EIF5B: variants seen among roughly 807,000 people sequenced by gnomAD.
EIF5B encodes eukaryotic translation initiation factor 5B.
Under a neutral mutation model 147.5 loss-of-function variants are expected in EIF5B, and 47 were observed. The observed-to-expected ratio is 0.32, with a 90% confidence interval of 0.25 to 0.41. The LOEUF is 0.41. Among genes scored for constraint, EIF5B ranks in the 10% least tolerant of loss-of-function variants. The pLI, the probability that EIF5B is intolerant of heterozygous loss-of-function variation, is 1.00. For synonymous variants in EIF5B, 455 were observed against 456.2 expected (o/e 1.00, Z 0.03); for missense variants, 1,064 against 1,413.2 (o/e 0.75, Z 3.96).
chr2:99,389,651 G>C, intron 14 of EIF5B, 67 bp from the exon 15 acceptor site: 2 of 1,448,548 alleles, frequency 1.4e-6, no homozygotes, highest in Non-Finnish European at 1.9e-6. Flanking sequence ...ATTTTCTGGA[G>C]CTATTAATAC....
At chr2:99,359,368 CAAAA>C (rs1267875287) in intron 1 of EIF5B, among the ~76,000 whole-genome samples, 1 of 147,786 alleles carries the variant, frequency 6.8e-6, no homozygotes, top group African/African-American at 2.5e-5. Flanking sequence ...GAGTCCGTCT[CAAAA>C]AAAGGAAAAA....
intron 14 of EIF5B, among the ~76,000 whole-genome samples, chr2:99,385,533 C>T (rs139354561): frequency 3.9e-5 from 6 of 152,202 alleles, no homozygotes; most frequent in South Asian, 2.1e-4. Flanking sequence ...ATCAGGTGCT[C>T]GTTAGCATTT....
At chr2:99,376,002 A>C (rs1273536108) in intron 9 of EIF5B, among the ~76,000 whole-genome samples, 2 of 152,224 alleles carry the variant, frequency 1.3e-5, no homozygotes, top group African/African-American at 4.8e-5. Context: ...AATCTGAAAC[A>C]GTTCTGGTCC....
At position 99,389,765 on chromosome 2, in the gene EIF5B, T is replaced by C; in HGVS notation, c.2319T>C (p.Ala773=). The change falls in exon 15 of 24, where the codon GCT becomes GCC. Residue 773 remains alanine, a synonymous_variant. Coordinates refer to ENST00000289371, the MANE Select transcript of EIF5B (RefSeq NM_015904.4). Reference sequence around the variant, plus strand: ...AAAAGAGTCCTGACTCTGATGTGGCTGCTACTTTAAAGAAGCAGAAAAAGA... The same window carrying C: ...AAAAGAGTCCTGACTCTGATGTGGCCGCTACTTTAAAGAAGCAGAAAAAGA... ...DWKKSPDSDV[A]ATLKKQKKNT... is the part of the protein sequence containing the mutation. 1.9e-6 allele frequency: 3 copies of C among 1,613,356 alleles called. No homozygotes were observed. The highest frequency in any genetic ancestry group is 2.5e-6 in the Non-Finnish European group (3 of 1,179,822).
chr2:99,337,460 A>T lies in EIF5B; in HGVS notation c.-95A>T, dbSNP rs1398414572. 18 of 1,505,200 alleles carry T rather than the reference A, an allele frequency of 1.2e-5. No individual in the cohort carries two copies. Among genetic ancestry groups the T allele is most frequent in the Non-Finnish European group, 1.6e-5 (18 of 1,103,498 alleles). The allele number at this position is 1,505,200 out of a possible 1,614,324, so 93.2% of individuals were successfully genotyped here. A position where few individuals can be genotyped will look rare whatever the true frequency, so the allele number is the denominator to read the frequency against. On this transcript the variant is annotated 5_prime_UTR_variant, in exon 1 of 24. Transcript: ENST00000289371. ...GTGCGAGCGGCGGCAGCACGAGGGG[A>T]AAAGAGCTGAGCGGAGACCAAAGTC... is the stretch of plus-strand genomic sequence containing the variant.
At chr2:99,382,387 G>GT (rs375641008) in intron 13 of EIF5B, among the ~76,000 whole-genome samples, 161 bp downstream of exon 13, 29 of 152,200 alleles carry the variant, frequency 1.9e-4, no homozygotes, top group African/African-American at 6.7e-4. Flanking sequence ...TTGAATACTT[G>GT]TTTTTTATAG....
intron 9 of EIF5B, 129 bp downstream of exon 9, chr2:99,371,859 G>T: frequency 1.3e-6 from 1 of 767,004 alleles, no homozygotes; most frequent in Non-Finnish European, 1.9e-6. Context: ...TAAGTCTCTT[G>T]TTCTCTCCTT....
chr2:99,347,846 C>G (rs1250539255), intron 1 of EIF5B, among the ~76,000 whole-genome samples: 2 of 152,006 alleles, frequency 1.3e-5, no homozygotes, highest in African/African-American at 2.4e-5. Context: ...TAAACAAAAC[C>G]TTGGGTTGCT....
rs573027189 is a variant in EIF5B at position 99,347,967 on chromosome 2, G to A, written c.35+10378G>A. On this transcript the variant is annotated intron_variant, in intron 1 of 23. Coordinates refer to ENST00000289371, the MANE Select transcript of EIF5B (RefSeq NM_015904.4). ...ACAGAAGTTGCTAGAGAATTTTGAA[G>A]CTTCTGAAATCCCTGCAACTCTGTG... 2.0e-4 allele frequency among the ~76,000 whole-genome samples: 30 copies of A among 152,090 alleles called. No homozygotes were observed. In the South Asian group the frequency reaches 5.8e-3, roughly 30 times the overall value.
chr2:99,363,556 G>A, intron 4 of EIF5B, 89 bp from the exon 5 acceptor site: 3 of 1,342,256 alleles, frequency 2.2e-6, no homozygotes, highest in Non-Finnish European at 3.1e-6. Context: ...GGCCCATTAT[G>A]GTCCTTGAAT....
intron 1 of EIF5B, among the ~76,000 whole-genome samples, chr2:99,346,046 A>G (rs533791716): frequency 6.6e-6 from 1 of 152,328 alleles, no homozygotes; most frequent in Non-Finnish European, 1.5e-5. Flanking sequence ...TGCACAGATA[A>G]TACAGAGTGA....
intron 1 of EIF5B, among the ~76,000 whole-genome samples, chr2:99,351,568 T>G (rs1673962145): frequency 6.6e-6 from 1 of 152,252 alleles, no homozygotes; most frequent in Non-Finnish European, 1.5e-5. Flanking sequence ...TGTGCCATTT[T>G]TGCATTCCCT....
At chr2:99,389,661 C>G in intron 14 of EIF5B, 57 bp from the exon 15 acceptor site, 1 of 1,510,262 alleles carries the variant, frequency 6.6e-7, no homozygotes, top group Non-Finnish European at 8.9e-7. Context: ...GCTATTAATA[C>G]AGTTCTTGAA....
chr2:99,388,422 T>A (rs550357291), intron 14 of EIF5B, among the ~76,000 whole-genome samples: 1 of 94,278 alleles, frequency 1.1e-5, no homozygotes, highest in South Asian at 2.9e-4. Flanking sequence ...AGCTGCAGGG[T>A]TTTTGTTTTT....
rs1559252525 is a variant in EIF5B at position 99,371,646 on chromosome 2, T to G, written c.1478-10T>G. 1 of 1,608,538 alleles carries G rather than the reference T, an allele frequency of 6.2e-7. No individual in the cohort carries two copies. The highest frequency in any genetic ancestry group is 8.5e-7 in the Non-Finnish European group (1 of 1,178,096). On this transcript the variant is annotated splice_polypyrimidine_tract_variant and intron_variant, in intron 8 of 23. Coordinates refer to ENST00000289371, the MANE Select transcript of EIF5B (RefSeq NM_015904.4). ...ATTTTTGTGTCTTAAATGCAAATTT[T>G]TACTTACAGAAGAAGAAGAAGATAC...
intron 7 of EIF5B, 90 bp from the exon 8 acceptor site, chr2:99,369,302 C>G (rs1667675761): frequency 2.1e-6 from 2 of 969,992 alleles, no homozygotes; most frequent in African/African-American, 3.3e-5. Flanking sequence ...TAGGTTTACA[C>G]TACTGTTTTT....
In EIF5B at chr2:99,394,716, T is replaced by C; in HGVS notation, c.3090-3T>C. 4 of 1,611,490 alleles carry C rather than the reference T, an allele frequency of 2.5e-6. No individual in the cohort carries two copies. The highest frequency in any genetic ancestry group is 3.4e-6 in the Non-Finnish European group (4 of 1,179,238). ...TGGTCTTTGATGTGTTTTAACCTTTTAGGTATGCAGTAATTTTGGCCTTCG... is the reference window on the plus strand; with the variant it reads ...TGGTCTTTGATGTGTTTTAACCTTTCAGGTATGCAGTAATTTTGGCCTTCG... On this transcript the variant is annotated splice_polypyrimidine_tract_variant and splice_region_variant and intron_variant, in intron 20 of 23. Coordinates refer to ENST00000289371, the MANE Select transcript of EIF5B (RefSeq NM_015904.4).
intron 1 of EIF5B, among the ~76,000 whole-genome samples, chr2:99,338,995 T>C (rs922993102): frequency 8.3e-5 from 12 of 144,026 alleles, no homozygotes; most frequent in African/African-American, 2.8e-4. Context: ...TATACACAAA[T>C]ATATATATAC....
chr2:99,360,563 C>T lies in EIF5B; in HGVS notation c.246+14C>T, dbSNP rs1468811443. ...GTTGCAGTGAAGGTGAAAGACAGAC[C>T]TTTGTTACCTATTCGTATTTCGTAT... is the stretch of plus-strand genomic sequence containing the variant. On this transcript the variant is annotated intron_variant, in intron 3 of 23. Coordinates refer to ENST00000289371, the MANE Select transcript of EIF5B (RefSeq NM_015904.4). The T allele has an allele frequency of 6.2e-7, 1 of 1,602,666 alleles. No homozygotes were observed.
Sources: gnomAD v4.1 joint callset for allele counts (sites outside exome capture counted in the v4.1 genomes callset) on GRCh38, gnomAD v4.1.1 for gene constraint, MANE v1.5 for transcripts, NCBI Gene and HGNC (gene_info 2026-07-23, HGNC 2026-07-21) for gene names.